The following CCDC170 variants were observed in gnomAD, a reference collection of about 807,000 sequenced individuals.
CCDC170 encodes the protein coiled-coil domain-containing protein 170.
CCDC170 carries 69 observed loss-of-function variants against 72.6 expected under a neutral mutation model. The ratio of observed to expected loss-of-function variants is 0.95; its 90% confidence interval spans 0.78 to 1.16. The LOEUF (loss-of-function observed/expected upper bound fraction) is 1.16. CCDC170 is among the 50% of genes most tolerant of loss of function. The pLI is 0.00. For missense variants in CCDC170, 852 were observed against 832.5 expected (o/e 1.02, Z -0.29); for synonymous variants, 300 against 303.9 (o/e 0.99, Z 0.13).
Position 151,540,373 on chromosome 6 carries a change from C to CTTTTTTTTTTTTTTT in CCDC170, c.443+2087_443+2101dup, listed in dbSNP as rs779650559. Among the ~76,000 whole-genome samples the CTTTTTTTTTTTTTTT allele has an allele frequency of 4.0e-3, 152 of 37,980 alleles. 47 individuals carry two copies. The highest frequency in any genetic ancestry group is 5.4e-3 in the Admixed American group (9 of 1,670). The allele number at this position is 37,980 out of a possible 152,430, so 24.9% of individuals were successfully genotyped here. A position where few individuals can be genotyped will look rare whatever the true frequency, so the allele number is the denominator to read the frequency against. On this transcript the variant is annotated intron_variant, in intron 3 of 10. Coordinates refer to ENST00000239374, the MANE Select transcript of CCDC170 (RefSeq NM_025059.4). ...CCTCCTCCTCCTTCTTCTGCTGCTG[C>CTTTTTTTTTTTTTTT]TTTTTTTTTTTTTTTTTTTTTTTTT...
At chr6:151,550,828 G>A (rs969425704) in intron 5 of CCDC170, among the ~76,000 whole-genome samples, 9 of 152,044 alleles carry the variant, frequency 5.9e-5, no homozygotes, top group African/African-American at 1.9e-4. Context: ...CCTTCTAAGG[G>A]CACTAATCCC....
intron 1 of CCDC170, among the ~76,000 whole-genome samples, chr6:151,527,050 A>ATTTTTTTTTTT (rs56941290): frequency 1.1e-4 from 8 of 69,680 alleles, no homozygotes; most frequent in African/African-American, 2.3e-4. Flanking sequence ...ATGCTTAGCT[A>ATTTTTTTTTTT]TTTTTTTTTT....
chr6:151,513,835 G>T (rs528502422), intron 1 of CCDC170, among the ~76,000 whole-genome samples: 1 of 147,968 alleles, frequency 6.8e-6, no homozygotes, highest in Non-Finnish European at 1.5e-5. Flanking sequence ...CAGGAGAATC[G>T]CTTGAGCCTG....
intron 5 of CCDC170, among the ~76,000 whole-genome samples, chr6:151,551,234 T>C (rs1224709253): frequency 6.6e-6 from 1 of 152,226 alleles, no homozygotes; most frequent in Non-Finnish European, 1.5e-5. Context: ...TAGATATATT[T>C]GCAGAATCAC....
chr6:151,511,253 A>G (rs1782145948), intron 1 of CCDC170, among the ~76,000 whole-genome samples: 1 of 152,204 alleles, frequency 6.6e-6, no homozygotes, highest in Non-Finnish European at 1.5e-5. Flanking sequence ...TACAAGACGT[A>G]GTGAAATTCC....
intron 10 of CCDC170, 82 bp downstream of exon 10, chr6:151,615,761 A>G (rs1583053657): frequency 1.9e-6 from 2 of 1,028,636 alleles, no homozygotes; most frequent in East Asian, 4.8e-5. Flanking sequence ...TTATTCATGC[A>G]TTTCTTTTTA....
At chr6:151,611,064 T>C (rs1776861885) in intron 9 of CCDC170, among the ~76,000 whole-genome samples, 1 of 152,056 alleles carries the variant, frequency 6.6e-6, no homozygotes, top group Non-Finnish European at 1.5e-5. Flanking sequence ...GATCACAAGG[T>C]GAGAAGATCA....
intron 6 of CCDC170, among the ~76,000 whole-genome samples, chr6:151,575,870 G>C (rs1397380889): frequency 6.6e-6 from 1 of 152,136 alleles, no homozygotes; most frequent in African/African-American, 2.4e-5. Context: ...AAAATGTGGA[G>C]TGCTCATTGG....
At chr6:151,597,071 C>A (rs1776637926) in intron 9 of CCDC170, among the ~76,000 whole-genome samples, 1 of 152,152 alleles carries the variant, frequency 6.6e-6, no homozygotes, top group South Asian at 2.1e-4. Context: ...GGTGATCCGC[C>A]CGCCTTGGCC....
chr6:151,536,819 A>C (rs1289555345), intron 2 of CCDC170, among the ~76,000 whole-genome samples: 3 of 150,968 alleles, frequency 2.0e-5, no homozygotes, highest in African/African-American at 7.3e-5. Flanking sequence ...AAGAGACAGA[A>C]TGTAGGAGTG....
At chr6:151,556,915 T>A (rs1271098753) in intron 5 of CCDC170, among the ~76,000 whole-genome samples, 5 of 152,216 alleles carry the variant, frequency 3.3e-5, no homozygotes, top group African/African-American at 1.2e-4. Flanking sequence ...CTCTGGAATC[T>A]ATTTTTCTAC....
chr6:151,602,682 AC>A (rs1776726483), intron 9 of CCDC170, among the ~76,000 whole-genome samples: 1 of 152,128 alleles, frequency 6.6e-6, no homozygotes, highest in Non-Finnish European at 1.5e-5. Context: ...ACCATGTAAG[AC>A]ATGCCTGCTT....
chr6:151,553,854 AT>A (rs1398256568), intron 5 of CCDC170, among the ~76,000 whole-genome samples: 6 of 152,226 alleles, frequency 3.9e-5, no homozygotes, highest in African/African-American at 1.4e-4. Flanking sequence ...TTACTGACAC[AT>A]TAACAGACTC....
chr6:151,499,015 T>C, intron 1 of CCDC170, among the ~76,000 whole-genome samples: 1 of 146,546 alleles, frequency 6.8e-6, no homozygotes, highest in East Asian at 2.2e-4. Flanking sequence ...ATTTGACTAT[T>C]CTAGGCACGC....
intron 2 of CCDC170, among the ~76,000 whole-genome samples, chr6:151,537,771 G>C (rs1428781860): frequency 6.6e-6 from 1 of 152,096 alleles, no homozygotes; most frequent in Non-Finnish European, 1.5e-5. Context: ...ATATTTTATT[G>C]CTTATGCAAT....
At chr6:151,573,640 T>C in intron 6 of CCDC170, 149 bp downstream of exon 6, 1 of 832,970 alleles carries the variant, frequency 1.2e-6, no homozygotes, top group South Asian at 1.9e-5. Flanking sequence ...TTTAATGGAT[T>C]CACAGTTCCA....
intron 1 of CCDC170, among the ~76,000 whole-genome samples, chr6:151,524,929 C>CTTTTTTTTTTTT (rs34288029): frequency 9.1e-6 from 1 of 110,042 alleles, no homozygotes; most frequent in African/African-American, 3.7e-5. Flanking sequence ...TAGTCTGATT[C>CTTTTTTTTTTTT]TTTTTTTTTT....
In CCDC170 at chr6:151,587,404, A is replaced by G. The variant is rs1021725908; in HGVS notation, c.1293+1315A>G. On this transcript the variant is annotated intron_variant, in intron 7 of 10. Transcript: ENST00000239374. The stretch of plus-strand genomic sequence containing the variant: ...AGGCATGAGGCAGTGGCTGTGAAAA[A>G]CAAGATCAAAGAAAGGTTTTGCTGG... Among the ~76,000 whole-genome samples, 4 of 152,206 alleles carry G rather than the reference A, an allele frequency of 2.6e-5. No individual in the cohort carries two copies. In the South Asian group the frequency reaches 8.3e-4, roughly 32 times the overall value.
At chr6:151,511,872 G>A (rs894028985) in intron 1 of CCDC170, among the ~76,000 whole-genome samples, 1 of 152,054 alleles carries the variant, frequency 6.6e-6, no homozygotes, top group Non-Finnish European at 1.5e-5. Flanking sequence ...TTGAGACAGG[G>A]TCTCAGTCTC....
Sources: allele counts gnomAD v4.1 joint callset (sites outside exome capture counted in the v4.1 genomes callset), GRCh38; gene constraint gnomAD v4.1.1; transcripts MANE v1.5; gene names NCBI Gene and HGNC (gene_info 2026-07-23, HGNC 2026-07-21).